PRKN: variants seen among roughly 807,000 people sequenced by gnomAD.
PRKN encodes the protein parkin RBR E3 ubiquitin protein ligase, also known as E3 ubiquitin-protein ligase parkin.
In PRKN, 56 loss-of-function variants were observed where a neutral mutation model predicts 59.5. The ratio of observed to expected loss-of-function variants is 0.94; its 90% confidence interval spans 0.76 to 1.18. The LOEUF is 1.18. PRKN is among the 50% of genes most tolerant of loss of function. The pLI is 0.00. For missense variants in PRKN, 657 were observed against 596.4 expected (o/e 1.10, Z -1.06); for synonymous variants, 250 against 222.1 (o/e 1.13, Z -1.12).
At chr6:162,320,064 T>C (rs1436088550) in intron 2 of PRKN, among the ~76,000 whole-genome samples, 6 of 151,898 alleles carry the variant, frequency 4.0e-5, no homozygotes, top group Non-Finnish European at 5.9e-5. Flanking sequence ...AAATGAGCTA[T>C]TTGTCTTTCT....
intron 1 of PRKN, among the ~76,000 whole-genome samples, chr6:162,521,442 T>C (rs1256025921): frequency 1.3e-5 from 2 of 152,184 alleles, no homozygotes; most frequent in African/African-American, 2.4e-5. Context: ...TATTTCACCA[T>C]GGCTTATTCA....
At chr6:162,294,179 G>A (rs1355561634) in intron 2 of PRKN, among the ~76,000 whole-genome samples, 1 of 152,092 alleles carries the variant, frequency 6.6e-6, no homozygotes, top group Non-Finnish European at 1.5e-5. Context: ...AAGAGTTCAT[G>A]AAAGCCCCCG....
At chr6:162,439,062 C>G (rs773109199) in intron 2 of PRKN, among the ~76,000 whole-genome samples, 4 of 152,104 alleles carry the variant, frequency 2.6e-5, no homozygotes, top group Admixed American at 6.6e-5. Flanking sequence ...CTGTTCCTTC[C>G]ATTCTTATGT....
chr6:162,349,031 A>T (rs1188605230), intron 2 of PRKN, among the ~76,000 whole-genome samples: 1 of 152,206 alleles, frequency 6.6e-6, no homozygotes, highest in Non-Finnish European at 1.5e-5. Flanking sequence ...TCTTTGAAAG[A>T]CATAGTCAGT....
chr6:162,405,446 A>G (rs1788010557), intron 2 of PRKN, among the ~76,000 whole-genome samples: 1 of 152,164 alleles, frequency 6.6e-6, no homozygotes, highest in South Asian at 2.1e-4. Context: ...CTTCGAGAGA[A>G]GAATAAGATA....
At chr6:162,066,640 A>G (rs1467007350) in intron 4 of PRKN, among the ~76,000 whole-genome samples, 3 of 152,210 alleles carry the variant, frequency 2.0e-5, no homozygotes, top group African/African-American at 7.2e-5. Context: ...ACTGGAGCAC[A>G]TAGAATTCAA....
intron 9 of PRKN, among the ~76,000 whole-genome samples, chr6:161,520,582 C>T (rs1778784289): frequency 6.6e-6 from 1 of 151,996 alleles, no homozygotes; most frequent in African/African-American, 2.4e-5. Context: ...AAAATCTGAC[C>T]ATATCCAAAG....
At chr6:161,380,426 C>CTTT (rs977152868) in intron 10 of PRKN, among the ~76,000 whole-genome samples, 67 of 117,926 alleles carry the variant, frequency 5.7e-4, no homozygotes, top group Non-Finnish European at 8.7e-4. Context: ...CCAAGTCTAT[C>CTTT]TTTTTTTTTT....
At chr6:162,690,385 GTC>G (rs907203430) in intron 1 of PRKN, among the ~76,000 whole-genome samples, 40 of 152,192 alleles carry the variant, frequency 2.6e-4, no homozygotes, top group African/African-American at 7.5e-4. Flanking sequence ...TGCTTTCAGA[GTC>G]TCTGTTTCCT....
At position 161,352,726 on chromosome 6, in the gene PRKN, A is replaced by T. The variant is rs923071035; in HGVS notation, c.1286-2515T>A. ...TATATAAACACAAATATGTATGAAG[A>T]GTGTGTGTGTGTGTGTGTGTGTGTG... On this transcript the variant is annotated intron_variant, in intron 11 of 11. Transcript: ENST00000366898. This position sits in a 1 kb window ranked among gnomAD's most constrained non-coding sequence, Gnocchi z 5.8. Among the ~76,000 whole-genome samples, 7 of 128,522 alleles carry T rather than the reference A, an allele frequency of 5.4e-5. No individual in the cohort carries two copies. The East Asian group carries it at 8.2e-4, about 15-fold the overall frequency. 84.3% of individuals were successfully genotyped at this position (128,522 alleles called of 152,430 possible).
intron 6 of PRKN, among the ~76,000 whole-genome samples, chr6:161,929,517 CTTTTTTTTTT>C (rs759945931): frequency 5.5e-5 from 4 of 72,274 alleles, no homozygotes; most frequent in Non-Finnish European, 1.0e-4. Flanking sequence ...AATTTCACCT[CTTTTTTTTTT>C]TTTTTTTTTT....
At chr6:161,486,861 A>T (rs1583139680) in intron 9 of PRKN, among the ~76,000 whole-genome samples, 1 of 152,338 alleles carries the variant, frequency 6.6e-6, no homozygotes, top group East Asian at 1.9e-4. Context: ...GCTCTATCAT[A>T]CACTCTTTAA....
chr6:161,970,072 C>G (rs575154572), intron 6 of PRKN, among the ~76,000 whole-genome samples: 189 of 152,236 alleles, frequency 1.2e-3, no homozygotes, highest in Non-Finnish European at 2.1e-3. Context: ...GAGACAGGGT[C>G]TCACTTTGTC....
intron 1 of PRKN, among the ~76,000 whole-genome samples, chr6:162,656,145 A>T (rs1418776771): frequency 6.6e-6 from 1 of 152,226 alleles, no homozygotes; most frequent in African/African-American, 2.4e-5. Context: ...CATAGGTGGC[A>T]TTCGCTAACA....
chr6:161,691,849 C>T (rs9346876), intron 7 of PRKN, among the ~76,000 whole-genome samples: 75,760 of 151,956 alleles, frequency 0.5, 19,837 homozygotes, highest in Non-Finnish European at 0.58. Context: ...CTGCAAATGT[C>T]GATGAAGATC....
At chr6:162,407,388 T>C (rs1192428636) in intron 2 of PRKN, among the ~76,000 whole-genome samples, 2 of 152,312 alleles carry the variant, frequency 1.3e-5, no homozygotes, top group Non-Finnish European at 2.9e-5. Context: ...ACAGTAGCTT[T>C]GGTTGGCCTC....
chr6:161,369,356 G>T lies in PRKN; in HGVS notation c.1168-9151C>A, dbSNP rs1166578911. On this transcript the variant is annotated intron_variant, in intron 10 of 11. Coordinates refer to ENST00000366898, the MANE Select transcript of PRKN (RefSeq NM_004562.3). The surrounding 1 kb of genome is among the most constrained non-coding windows in gnomAD (Gnocchi z 5.8). ...AGAATCCCTAAAAATGCCCTAAGGG[G>T]TTGCGAGGGGCGGGAGGTTTGGGAA... 6.6e-6 allele frequency among the ~76,000 whole-genome samples: 1 copy of T among 152,176 alleles called. No homozygotes were observed. Among genetic ancestry groups the T allele is most frequent in the Non-Finnish European group, 1.5e-5 (1 of 68,026 alleles).
At chr6:162,637,697 A>C (rs2846489) in intron 1 of PRKN, among the ~76,000 whole-genome samples, 1 of 151,960 alleles carries the variant, frequency 6.6e-6, no homozygotes, top group Non-Finnish European at 1.5e-5. Flanking sequence ...AATTAAAATT[A>C]TATCTTAATT....
intron 6 of PRKN, among the ~76,000 whole-genome samples, chr6:161,882,426 C>T (rs1376182530): frequency 6.6e-6 from 1 of 152,072 alleles, no homozygotes; most frequent in African/African-American, 2.4e-5. Flanking sequence ...AGCCGCCTCC[C>T]CAGCCCAGGC....
Sources: gnomAD v4.1 joint callset for allele counts (sites outside exome capture counted in the v4.1 genomes callset) on GRCh38, gnomAD v4.1.1 for gene constraint, Gnocchi (gnomAD v3.1) non-coding constraint, MANE v1.5 for transcripts, NCBI Gene and HGNC (gene_info 2026-07-23, HGNC 2026-07-21) for gene names.